Variants in SNTG2 observed in about 807,000 individuals in gnomAD.
The protein encoded by SNTG2 is syntrophin gamma 2, also known as gamma-2-syntrophin.
A neutral mutation model predicts 70.9 loss-of-function variants in SNTG2; 74 were observed. That is an observed-to-expected ratio of 1.04 (90% CI 0.86 to 1.27). The LOEUF is 1.27. Among genes scored for constraint, SNTG2 ranks in the 50% most tolerant of loss-of-function variants. The pLI, the probability that SNTG2 is intolerant of heterozygous loss-of-function variation, is 0.00. For missense variants in SNTG2, 717 were observed against 690.7 expected (o/e 1.04, Z -0.43); for synonymous variants, 278 against 273.8 (o/e 1.02, Z -0.15).
intron 14 of SNTG2, among the ~76,000 whole-genome samples, chr2:1,307,616 G>A (rs182354898): frequency 5.3e-5 from 8 of 152,230 alleles, no homozygotes; most frequent in East Asian, 1.9e-4. Flanking sequence ...CAATGGCTCC[G>A]CTTCTCTTCT....
chr2:1,012,481 G>A (rs1008439691), intron 1 of SNTG2, among the ~76,000 whole-genome samples: 9 of 152,198 alleles, frequency 5.9e-5, no homozygotes, highest in East Asian at 3.9e-4. Context: ...GGGCGGCAGC[G>A]ACTTGGGGGG....
At chr2:1,226,541 C>T (rs191801579) in intron 9 of SNTG2, among the ~76,000 whole-genome samples, 1 of 152,014 alleles carries the variant, frequency 6.6e-6, no homozygotes, top group African/African-American at 2.4e-5. Flanking sequence ...GCCTCGAGGC[C>T]ATGACAGTGA....
At chr2:1,019,079 G>C (rs779523301) in intron 1 of SNTG2, among the ~76,000 whole-genome samples, 3 of 152,214 alleles carry the variant, frequency 2.0e-5, no homozygotes, top group Admixed American at 6.5e-5. Flanking sequence ...GTGCTGTTAG[G>C]GGGGCAGCTG....
At position 1,267,408 on chromosome 2, in the gene SNTG2, T is replaced by C; in HGVS notation, c.1121T>C (p.Leu374Pro). 1 of 1,610,676 alleles carries C rather than the reference T, an allele frequency of 6.2e-7. No homozygotes were observed. Among genetic ancestry groups the C allele is most frequent in the South Asian group, 1.1e-5 (1 of 90,124 alleles). Reference protein sequence around the residue: ...EDCWLQANLYLGLQDFDFEDQ... With the variant: ...EDCWLQANLYPGLQDFDFEDQ... ...TGCTGGTTGCAAGCAAACTTGTATC[T>C]GGGTCTTCAAGATTTTGACTTTGAG... is the stretch of plus-strand genomic sequence containing the variant. The change falls in exon 14 of 17, where the codon CTG (leucine) becomes CCG (proline). Residue 374 changes from leucine to proline, a missense_variant. Physicochemically the swap from Leu to Pro is moderately conservative, Grantham distance 98. Coordinates refer to ENST00000308624, the MANE Select transcript of SNTG2 (RefSeq NM_018968.4).
intron 1 of SNTG2, among the ~76,000 whole-genome samples, chr2:1,049,137 A>G (rs370796405): frequency 2.0e-5 from 3 of 152,284 alleles, no homozygotes; most frequent in East Asian, 3.9e-4. Context: ...TTTTGTTACA[A>G]TCAGTGAACC....
chr2:986,386 T>A (rs1661325803), intron 1 of SNTG2, among the ~76,000 whole-genome samples: 1 of 152,234 alleles, frequency 6.6e-6, no homozygotes, highest in African/African-American at 2.4e-5. Context: ...GTTTTCATTT[T>A]TAACATTTGA....
intron 2 of SNTG2, among the ~76,000 whole-genome samples, chr2:1,089,697 A>T (rs1340482199): frequency 6.6e-6 from 1 of 152,264 alleles, no homozygotes. Flanking sequence ...ACAAAAGCAC[A>T]CTTTATAAAG....
At chr2:1,337,605 G>T (rs923152189) in intron 16 of SNTG2, among the ~76,000 whole-genome samples, 2 of 152,110 alleles carry the variant, frequency 1.3e-5, no homozygotes, top group African/African-American at 4.8e-5. Flanking sequence ...TATCAAATGT[G>T]TGATTTGCGG....
chr2:1,233,087 T>C (rs1558572628), intron 9 of SNTG2, among the ~76,000 whole-genome samples: 1 of 152,252 alleles, frequency 6.6e-6, no homozygotes, highest in East Asian at 1.9e-4. Context: ...TGGTTAAATT[T>C]TGTACGTTCC....
intron 6 of SNTG2, among the ~76,000 whole-genome samples, chr2:1,144,064 C>A (rs975298773): frequency 6.6e-6 from 1 of 152,114 alleles, no homozygotes; most frequent in Non-Finnish European, 1.5e-5. Context: ...CCCCATAGAT[C>A]CATCTACCCA....
At chr2:1,050,204 G>C (rs1227943560) in intron 1 of SNTG2, among the ~76,000 whole-genome samples, 1 of 151,958 alleles carries the variant, frequency 6.6e-6, no homozygotes, top group Admixed American at 6.5e-5. Context: ...TTTTAATGTA[G>C]ACTTAGTTTA....
chr2:1,093,242 T>C (rs1412725336), intron 2 of SNTG2, among the ~76,000 whole-genome samples: 1 of 152,164 alleles, frequency 6.6e-6, no homozygotes, highest in East Asian at 1.9e-4. Context: ...TGGGAGAGCA[T>C]TGAGGCAGCG....
chr2:1,231,452 A>G (rs1676239936), intron 9 of SNTG2, among the ~76,000 whole-genome samples: 1 of 152,228 alleles, frequency 6.6e-6, no homozygotes, highest in African/African-American at 2.4e-5. Flanking sequence ...TGCCACTATC[A>G]TATATGACCA....
At chr2:989,039 G>T (rs572915850) in intron 1 of SNTG2, among the ~76,000 whole-genome samples, 1 of 151,710 alleles carries the variant, frequency 6.6e-6, no homozygotes, top group South Asian at 2.1e-4. Flanking sequence ...ATTTCCTATT[G>T]TTACCATACA....
chr2:1,255,071 T>C (rs1247963870), intron 12 of SNTG2, among the ~76,000 whole-genome samples: 1 of 152,138 alleles, frequency 6.6e-6, no homozygotes, highest in East Asian at 1.9e-4. Flanking sequence ...TGGAAAATCG[T>C]GTAAACTAAG....
At chr2:1,208,870 GCTT>G (rs986242080) in intron 8 of SNTG2, among the ~76,000 whole-genome samples, 5 of 152,126 alleles carry the variant, frequency 3.3e-5, no homozygotes, top group Non-Finnish European at 7.3e-5. Flanking sequence ...CTTCCCTTCA[GCTT>G]CTTCTCTTTC....
chr2:1,003,610 TG>T (rs1371243248), intron 1 of SNTG2, among the ~76,000 whole-genome samples: 1 of 152,178 alleles, frequency 6.6e-6, no homozygotes, highest in Non-Finnish European at 1.5e-5. Context: ...TGTCTTACCT[TG>T]GGTGCATTTG....
At chr2:1,318,182 C>T (rs1273766153) in intron 16 of SNTG2, among the ~76,000 whole-genome samples, 1 of 152,024 alleles carries the variant, frequency 6.6e-6, no homozygotes, top group Non-Finnish European at 1.5e-5. Context: ...TTAATATAAA[C>T]TTAATAAGAC....
rs1664499885 is a variant in SNTG2 at position 1,083,728 on chromosome 2, G to C, written c.210+73G>C. 4 of 1,540,930 alleles carry C rather than the reference G, an allele frequency of 2.6e-6. No homozygotes were observed. The South Asian group carries it at 4.7e-5, about 18-fold the overall frequency. On this transcript the variant is annotated intron_variant, in intron 2 of 16. Coordinates refer to ENST00000308624, the MANE Select transcript of SNTG2 (RefSeq NM_018968.4). ...CCATGAACGGTCTTTGAAAAGTGTG[G>C]TTCAAGAATGATTGCTGAGCAAAAG...
Sources: allele counts gnomAD v4.1 joint callset (sites outside exome capture counted in the v4.1 genomes callset), GRCh38; gene constraint gnomAD v4.1.1; transcripts MANE v1.5; gene names NCBI Gene and HGNC (gene_info 2026-07-23, HGNC 2026-07-21).